Variants in MYO18B observed in about 807,000 individuals in gnomAD.
MYO18B encodes myosin XVIIIB, also known as unconventional myosin-XVIIIb.
In MYO18B, 204 loss-of-function variants were observed where a neutral mutation model predicts 273.0. That is an observed-to-expected ratio of 0.75 (90% CI 0.67 to 0.84). The LOEUF is 0.84. MYO18B is among the 40% of genes least tolerant of loss of function. The probability of loss-of-function intolerance (pLI) is 0.00; values close to 1 mark genes in which losing one functional copy is unlikely to be tolerated. For missense variants in MYO18B, 3,212 were observed against 3,287.6 expected, an observed-to-expected ratio of 0.98 and a Z score of 0.56; for synonymous variants, 1,330 against 1,305.7, an observed-to-expected ratio of 1.02 and a Z score of -0.40.
intron 42 of MYO18B, among the ~76,000 whole-genome samples, chr22:26,023,084 CCTT>C (rs1935945886): frequency 6.6e-6 from 1 of 152,234 alleles, no homozygotes; most frequent in African/African-American, 2.4e-5. Flanking sequence ...TCCCCTCTCT[CCTT>C]CTTGCGTTTG....
chr22:25,895,145 C>T lies in MYO18B; in HGVS notation c.4544-11C>T, dbSNP rs1200844669. ...GCCTCTTATCCTGGTCTCCCTGACTCCGTTAAACAGCAGACGAGTGGCAGA... is the reference window on the plus strand; with the variant it reads ...GCCTCTTATCCTGGTCTCCCTGACTTCGTTAAACAGCAGACGAGTGGCAGA... On this transcript the variant is annotated splice_polypyrimidine_tract_variant and intron_variant, in intron 27 of 43. Coordinates refer to ENST00000335473, the MANE Select transcript of MYO18B (RefSeq NM_032608.7). The T allele has an allele frequency of 1.2e-6, 2 of 1,612,466 alleles. No homozygotes were observed.
intron 10 of MYO18B, among the ~76,000 whole-genome samples, chr22:25,782,639 C>T (rs142963240): frequency 4.4e-3 from 668 of 152,264 alleles, no homozygotes; most frequent in African/African-American, 0.015. Flanking sequence ...TGGGTTTTCC[C>T]ACATGAGGGG....
intron 15 of MYO18B, among the ~76,000 whole-genome samples, chr22:25,830,897 A>G (rs922003525): frequency 2.0e-5 from 3 of 152,220 alleles, no homozygotes; most frequent in African/African-American, 7.2e-5. Flanking sequence ...GGCCGTTTTG[A>G]ACATTTAATG....
intron 34 of MYO18B, among the ~76,000 whole-genome samples, chr22:25,928,869 A>G (rs979626376): frequency 1.3e-5 from 2 of 152,104 alleles, no homozygotes; most frequent in Non-Finnish European, 2.9e-5. Flanking sequence ...ACCCTAAGAC[A>G]GTGATCTCCT....
chr22:25,869,744 T>C (rs5996993), intron 22 of MYO18B, among the ~76,000 whole-genome samples: 18,119 of 151,810 alleles, frequency 0.12, 1,569 homozygotes, highest in African/African-American at 0.24. Context: ...AGTGGTCCTT[T>C]ACTCAGGGAG....
intron 40 of MYO18B, among the ~76,000 whole-genome samples, chr22:26,002,381 G>A (rs986190402): frequency 1.3e-5 from 2 of 152,216 alleles, no homozygotes; most frequent in Non-Finnish European, 2.9e-5. Flanking sequence ...AATAAGACTT[G>A]TTCTTGGTCC....
At chr22:25,772,929 A>G (rs1270477922) in intron 7 of MYO18B, among the ~76,000 whole-genome samples, 2 of 152,180 alleles carry the variant, frequency 1.3e-5, no homozygotes, top group Non-Finnish European at 2.9e-5. Flanking sequence ...AGGTCTAGCG[A>G]GCAGAGTTGC....
chr22:25,934,076 A>T (rs1224931891), intron 34 of MYO18B, among the ~76,000 whole-genome samples: 1 of 152,112 alleles, frequency 6.6e-6, no homozygotes, highest in African/African-American at 2.4e-5. Context: ...CACTTCTCTG[A>T]TGTTCACCTT....
In MYO18B at chr22:25,830,218, C is replaced by T. The variant is rs114984013; in HGVS notation, c.2979+1250C>T. ...ACCTGAGGTCTGATCCTAACTCTGT[C>T]GCTTATTGGCTGTGTGGCCTTAGGA... On this transcript the variant is annotated intron_variant, in intron 15 of 43. Transcript: ENST00000335473. Among the ~76,000 whole-genome samples, 829 of 152,232 alleles carry T rather than the reference C, an allele frequency of 5.4e-3. 1 individual carries two copies. The highest frequency in any genetic ancestry group is 0.019 in the African/African-American group (787 of 41,530).
At chr22:25,994,820 T>C (rs554019748) in intron 40 of MYO18B, among the ~76,000 whole-genome samples, 1 of 152,326 alleles carries the variant, frequency 6.6e-6, no homozygotes, top group East Asian at 1.9e-4. Flanking sequence ...ACAATAGAGC[T>C]TTTGCATGAA....
intron 33 of MYO18B, 56 bp from the exon 34 acceptor site, chr22:25,921,199 CTT>C (rs2092335619): frequency 1.3e-6 from 2 of 1,506,252 alleles, no homozygotes; most frequent in South Asian, 2.5e-5. Context: ...TTCCGGAAAA[CTT>C]AGACCCTGGC....
At chr22:25,882,969 T>C (rs2091387296) in intron 25 of MYO18B, among the ~76,000 whole-genome samples, 1 of 152,150 alleles carries the variant, frequency 6.6e-6, no homozygotes, top group Non-Finnish European at 1.5e-5. Flanking sequence ...TAAACACAGC[T>C]CACTGCAGCC....
At chr22:25,917,883 A>AT (rs945156164) in intron 33 of MYO18B, among the ~76,000 whole-genome samples, 1 of 152,058 alleles carries the variant, frequency 6.6e-6, no homozygotes, top group Non-Finnish European at 1.5e-5. Flanking sequence ...CTTAATCATA[A>AT]TTTTTTACTA....
At chr22:25,792,220 GTCTC>G (rs1479581934) in intron 11 of MYO18B, among the ~76,000 whole-genome samples, 1 of 152,170 alleles carries the variant, frequency 6.6e-6, no homozygotes, top group East Asian at 1.9e-4. Flanking sequence ...ACCTCTCTGA[GTCTC>G]CATTGCCTCC....
chr22:25,908,444 G>A lies in MYO18B; in HGVS notation c.5259+12G>A. On this transcript the variant is annotated intron_variant, in intron 32 of 43. Transcript: ENST00000335473. ...CCTGCCAGAAGCGGGTACGTGAGCA[G>A]TGAACACAGCTGTGCCCTTGGATCC... 6.4e-7 allele frequency: 1 copy of A among 1,567,754 alleles called. No homozygotes were observed. The highest frequency in any genetic ancestry group is 8.7e-7 in the Non-Finnish European group (1 of 1,155,458).
intron 35 of MYO18B, among the ~76,000 whole-genome samples, chr22:25,947,399 G>A (rs2092724328): frequency 1.3e-5 from 2 of 151,200 alleles, no homozygotes; most frequent in Admixed American, 1.3e-4. Context: ...CATTTAAAAT[G>A]TGCACACATA....
At chr22:26,048,410 T>C in the MYO18B span, among the ~76,000 whole-genome samples, 1 of 152,166 alleles carries the variant, frequency 6.6e-6, no homozygotes, top group African/African-American at 2.4e-5. Flanking sequence ...TCATTGTTAT[T>C]ACCATTATTG....
intron 39 of MYO18B, among the ~76,000 whole-genome samples, chr22:25,982,111 G>C (rs771941052): frequency 6.6e-6 from 1 of 152,166 alleles, no homozygotes; most frequent in Non-Finnish European, 1.5e-5. Flanking sequence ...TTGCTAACAT[G>C]AGAGCAGCAA....
chr22:25,950,433 C>T lies in MYO18B; in HGVS notation c.5815C>T (p.His1939Tyr), dbSNP rs1258583260. 3.7e-6 allele frequency: 6 copies of T among 1,605,562 alleles called. No homozygotes were observed. The highest frequency in any genetic ancestry group is 2.7e-5 in the African/African-American group (2 of 74,390). Residue 1939 changes from histidine (H) to tyrosine (Y), a missense_variant, in exon 37 of 44, where the codon CAC becomes TAC. Transcript: ENST00000335473. ...LQLEEAKKEKHKLQEQLQVAQ... is the reference protein window; with the variant it reads ...LQLEEAKKEKYKLQEQLQVAQ... ...GCTGGAGGAAGCCAAGAAGGAGAAG[C>T]ACAAGCTACAAGAACAAGTATGTGC... is the stretch of plus-strand genomic sequence containing the variant.
Sources: allele counts gnomAD v4.1 joint callset (sites outside exome capture counted in the v4.1 genomes callset), GRCh38; gene constraint gnomAD v4.1.1; transcripts MANE v1.5; gene names NCBI Gene and HGNC (gene_info 2026-07-23, HGNC 2026-07-21).